Variants in PRKCZ observed in about 807,000 individuals in gnomAD.
The protein encoded by PRKCZ is protein kinase C zeta.
In PRKCZ, 33 loss-of-function variants were observed where a neutral mutation model predicts 79.5. The observed-to-expected ratio is 0.41, with a 90% confidence interval of 0.31 to 0.55. PRKCZ has a LOEUF of 0.55. Among genes scored for constraint, PRKCZ ranks in the 20% least tolerant of loss-of-function variants. PRKCZ has a pLI of 0.19. For missense variants in PRKCZ, 578 were observed against 813.5 expected (o/e 0.71, Z 3.52); for synonymous variants, 342 against 320.9 (o/e 1.07, Z -0.70).
chr1:2,182,232 CT>C (rs1288479973), intron 16 of PRKCZ: 1 of 216,370 alleles, frequency 4.6e-6, no homozygotes, highest in Non-Finnish European at 9.5e-6. Context: ...CTTGGCCCCC[CT>C]GGGCCCTGCA....
At chr1:2,132,424 G>A (rs1187480628) in intron 4 of PRKCZ, among the ~76,000 whole-genome samples, 1 of 152,208 alleles carries the variant, frequency 6.6e-6, no homozygotes, top group African/African-American at 2.4e-5. Context: ...AATGGTCCTC[G>A]TTTCTGAGCT....
At chr1:2,147,158 A>G (rs914827752) in intron 7 of PRKCZ, among the ~76,000 whole-genome samples, 8 of 151,458 alleles carry the variant, frequency 5.3e-5, no homozygotes, top group South Asian at 2.1e-4. Context: ...CTCTCCGTCT[A>G]TCCGTCTATT....
intron 3 of PRKCZ, among the ~76,000 whole-genome samples, chr1:2,057,032 C>G (rs887326619): frequency 2.0e-5 from 3 of 152,158 alleles, no homozygotes; most frequent in African/African-American, 7.2e-5. Context: ...CCGGCCTTTT[C>G]TTTGACATTT....
At chr1:2,138,216 CTT>C (rs1178611547) in intron 5 of PRKCZ, among the ~76,000 whole-genome samples, 2 of 152,210 alleles carry the variant, frequency 1.3e-5, no homozygotes, top group East Asian at 3.8e-4. Context: ...AGAAGAGAGA[CTT>C]TTCCGTCCTC....
At chr1:2,063,763 T>C (rs1660896582) in intron 4 of PRKCZ, among the ~76,000 whole-genome samples, 1 of 152,050 alleles carries the variant, frequency 6.6e-6, no homozygotes, top group Admixed American at 6.6e-5. Context: ...GGGCGTGAGG[T>C]GGCATATCAT....
intron 4 of PRKCZ, among the ~76,000 whole-genome samples, chr1:2,077,824 G>A (rs1662721484): frequency 6.6e-6 from 1 of 152,208 alleles, no homozygotes; most frequent in Non-Finnish European, 1.5e-5. Flanking sequence ...GGACACATCA[G>A]CTCATCTCTT....
chr1:2,165,469 C>T lies in PRKCZ; in HGVS notation c.975-4049C>T, dbSNP rs1439720649. On this transcript the variant is annotated intron_variant, in intron 10 of 17. Coordinates refer to ENST00000378567, the MANE Select transcript of PRKCZ (RefSeq NM_002744.6). This position sits in a 1 kb window ranked among gnomAD's most constrained non-coding sequence, Gnocchi z 4.1. Reference sequence around the variant, plus strand: ...TGTAAAATGGCGAGAGCTGAACTTACTTCCTGGTGATGGGGTCAAGTGCGT... The same window carrying T: ...TGTAAAATGGCGAGAGCTGAACTTATTTCCTGGTGATGGGGTCAAGTGCGT... 6.6e-6 allele frequency among the ~76,000 whole-genome samples: 1 copy of T among 152,214 alleles called. No individual in the cohort carries two copies. The highest frequency in any genetic ancestry group is 6.5e-5 in the Admixed American group (1 of 15,280).
In PRKCZ at chr1:2,055,533, C is replaced by T. The variant is rs759002098; in HGVS notation, c.164C>T (p.Pro55Leu). 1.5e-5 allele frequency: 24 copies of T among 1,613,930 alleles called. No homozygotes were observed. Among genetic ancestry groups the T allele is most frequent in the Middle Eastern group, 1.6e-4 (1 of 6,084 alleles). The change falls in exon 2 of 18, where the codon CCG becomes CTG. Residue 55 changes from proline to leucine, a missense_variant. Transcript: ENST00000378567. ...RDMCRLHQQH[P>L]LTLKWVDSEG... Reference sequence around the variant, plus strand: ...ATGTGTCGTCTGCACCAGCAGCACCCGCTCACCCTCAAGTGGGTGGACAGC... The same window carrying T: ...ATGTGTCGTCTGCACCAGCAGCACCTGCTCACCCTCAAGTGGGTGGACAGC...
chr1:2,052,993 C>T (rs560065885), intron 1 of PRKCZ, among the ~76,000 whole-genome samples: 72 of 152,306 alleles, frequency 4.7e-4, no homozygotes, highest in South Asian at 8.3e-4. Context: ...GAGGGGTCCC[C>T]AGGCACCTGT....
chr1:2,061,413 G>A (rs1424133765), intron 4 of PRKCZ, among the ~76,000 whole-genome samples: 1 of 151,950 alleles, frequency 6.6e-6, no homozygotes, highest in East Asian at 1.9e-4. Context: ...AGGGGAGGTT[G>A]GGGGGTCACA....
rs891153074 is a variant in PRKCZ at position 2,146,203 on chromosome 1, C to T, written c.634+95C>T. Reference sequence around the variant, plus strand: ...GCCACGAGTCCTTTCTCAGTCCCATCTGCTCTGCAGGGGTCATTGTCTTCA... The same window carrying T: ...GCCACGAGTCCTTTCTCAGTCCCATTTGCTCTGCAGGGGTCATTGTCTTCA... On this transcript the variant is annotated intron_variant, in intron 7 of 17. Coordinates refer to ENST00000378567, the MANE Select transcript of PRKCZ (RefSeq NM_002744.6). 20 of 1,259,498 alleles carry T rather than the reference C, an allele frequency of 1.6e-5. No homozygotes were observed. The African/African-American group carries it at 2.8e-4, about 18-fold the overall frequency. The allele number at this position is 1,259,498 out of a possible 1,614,324, so 78.0% of individuals were successfully genotyped here.
intron 4 of PRKCZ, among the ~76,000 whole-genome samples, chr1:2,130,022 C>T (rs1674648103): frequency 6.6e-6 from 1 of 152,176 alleles, no homozygotes; most frequent in African/African-American, 2.4e-5. Flanking sequence ...CCCACCTCAG[C>T]CTCCCGAGTA....
upstream of PRKCZ, among the ~76,000 whole-genome samples, chr1:2,048,517 C>T (rs906418342): frequency 5.3e-5 from 8 of 152,196 alleles, no homozygotes; most frequent in Non-Finnish European, 8.8e-5. Context: ...CGTGCAAAGA[C>T]GGAGGCCGGG....
chr1:2,060,683 C>T lies in PRKCZ; in HGVS notation c.334+1092C>T, dbSNP rs575418251. ...TGGCCGGCAAGGCCGAGGAGCCATC[C>T]GGAGGTGGGCCCTGGCAGGAATGGA... is the stretch of plus-strand genomic sequence containing the variant. On this transcript the variant is annotated intron_variant, in intron 4 of 17. Transcript: ENST00000378567. Among the ~76,000 whole-genome samples, 34 of 152,312 alleles carry T rather than the reference C, an allele frequency of 2.2e-4. 3 individuals are homozygous for T. In the South Asian group the frequency reaches 5.8e-3, roughly 26 times the overall value.
At chr1:2,061,217 C>T (rs908778262) in intron 4 of PRKCZ, among the ~76,000 whole-genome samples, 31 of 152,208 alleles carry the variant, frequency 2.0e-4, no homozygotes, top group African/African-American at 7.5e-4. Context: ...AGTGTAGCCC[C>T]TGGGCGCGGG....
chr1:2,144,539 G>A lies in PRKCZ; in HGVS notation c.552+198G>A, dbSNP rs549182939. On this transcript the variant is annotated intron_variant, in intron 6 of 17. Transcript: ENST00000378567. ...TCTTCCTGAGCCCCCACAAGCCCCC[G>A]GCACACTCTGCTCATTGGGGCATGA... 97 of 1,413,518 alleles carry A rather than the reference G, an allele frequency of 6.9e-5. 1 individual carries two copies. The Admixed American group carries it at 1.9e-3, about 28-fold the overall frequency. 87.6% of individuals were successfully genotyped at this position (1,413,518 alleles called of 1,614,324 possible).
At chr1:2,053,806 G>C (rs531225379) in intron 1 of PRKCZ, among the ~76,000 whole-genome samples, 1 of 152,206 alleles carries the variant, frequency 6.6e-6, no homozygotes, top group Non-Finnish European at 1.5e-5. Flanking sequence ...GTCAGCTTGG[G>C]GCGACCCCAG....
Position 2,172,228 on chromosome 1 carries a change from T to C in PRKCZ, c.1197+38T>C. 1 of 1,613,484 alleles carries C rather than the reference T, an allele frequency of 6.2e-7. No homozygotes were observed. Among genetic ancestry groups the C allele is most frequent in the South Asian group, 1.1e-5 (1 of 91,082 alleles). On this transcript the variant is annotated intron_variant, in intron 12 of 17. Coordinates refer to ENST00000378567, the MANE Select transcript of PRKCZ (RefSeq NM_002744.6). The surrounding 1 kb of genome is among the most constrained non-coding windows in gnomAD (Gnocchi z 7.8). ...GACCGCCTCCCCTGACCATCCCGCA[T>C]GTGCGTCTCGGGGCGCCTGTCCCGC...
At chr1:2,184,534 A>T in intron 16 of PRKCZ, 49 bp from the exon 17 acceptor site, 2 of 1,411,230 alleles carry the variant, frequency 1.4e-6, no homozygotes, top group Non-Finnish European at 2.0e-6. Flanking sequence ...TCAATCTGGT[A>T]GGGATGATGC....
Sources: allele counts gnomAD v4.1 joint callset (sites outside exome capture counted in the v4.1 genomes callset), GRCh38; gene constraint gnomAD v4.1.1; non-coding constraint Gnocchi (gnomAD v3.1); transcripts MANE v1.5; gene names NCBI Gene and HGNC (gene_info 2026-07-23, HGNC 2026-07-21).